Variants in SCN8A observed in about 807,000 individuals in gnomAD.
SCN8A encodes sodium channel protein type 8 subunit alpha.
SCN8A carries 30 observed loss-of-function variants against 184.1 expected under a neutral mutation model. That is an observed-to-expected ratio of 0.16 (90% confidence interval 0.12 to 0.22). SCN8A has a LOEUF of 0.22. Ranked by LOEUF, SCN8A falls within the 10% of genes least tolerant of loss-of-function variation. The probability of loss-of-function intolerance (pLI) is 1.00; values close to 1 mark genes in which losing one functional copy is unlikely to be tolerated. For missense variants in SCN8A, 1,057 were observed against 2,498.9 expected, an observed-to-expected ratio of 0.42 and a Z score of 12.30; for synonymous variants, 852 against 907.0, an observed-to-expected ratio of 0.94 and a Z score of 1.09.
In SCN8A at chr12:51,770,644, C is replaced by G. The variant is rs1187788999; in HGVS notation, c.3606C>G (p.Thr1202=). 1 of 1,614,006 alleles carries G rather than the reference C, an allele frequency of 6.2e-7. No individual in the cohort carries two copies. The highest frequency in any genetic ancestry group is 8.5e-7 in the Non-Finnish European group (1 of 1,180,016). Residue 1202 remains threonine (T), a synonymous_variant, in exon 19 of 27, where the codon ACC becomes ACG. Coordinates refer to ENST00000627620, the MANE Select transcript of SCN8A (RefSeq NM_001330260.2). ...FLIVEHNWFE[T]FIIFMILLSS... is the part of the protein sequence containing the mutation. ...TCGTGGAGCACAACTGGTTTGAGAC[C>G]TTCATCATCTTCATGATTCTGCTGA...
intron 11 of SCN8A, among the ~76,000 whole-genome samples, chr12:51,714,914 A>G (rs4762004): frequency 0.76 from 115,448 of 152,158 alleles, 46,158 homozygotes; most frequent in East Asian, 0.9. Flanking sequence ...GTTGACAGGA[A>G]GATTTTGAAA....
intron 11 of SCN8A, among the ~76,000 whole-genome samples, chr12:51,718,946 C>T (rs1942008070): frequency 2.0e-5 from 3 of 151,664 alleles, no homozygotes; most frequent in Admixed American, 6.6e-5. Context: ...GTTTTCAGTT[C>T]TTTGCTTTCA....
At chr12:51,671,598 A>G (rs1475332486) in intron 2 of SCN8A, among the ~76,000 whole-genome samples, 2 of 152,232 alleles carry the variant, frequency 1.3e-5, no homozygotes, top group Non-Finnish European at 2.9e-5. Context: ...GGCCATTTAA[A>G]TGTTAAAGAA....
At chr12:51,785,812 G>A (rs1938068995) in intron 21 of SCN8A, among the ~76,000 whole-genome samples, 1 of 152,134 alleles carries the variant, frequency 6.6e-6, no homozygotes, top group Non-Finnish European at 1.5e-5. Flanking sequence ...GATGAGTGGA[G>A]TCAAGCCCTG....
chr12:51,805,222 AGT>A (rs1372725189), intron 26 of SCN8A, among the ~76,000 whole-genome samples: 2 of 152,176 alleles, frequency 1.3e-5, no homozygotes, highest in Admixed American at 1.3e-4. Flanking sequence ...ATGAGGGATC[AGT>A]CTCACAATTG....
chr12:51,615,165 A>G (rs1021878780), intron 1 of SCN8A, among the ~76,000 whole-genome samples: 1 of 151,118 alleles, frequency 6.6e-6, no homozygotes, highest in Admixed American at 6.6e-5. Context: ...TTTTCATTAT[A>G]TAGTTATTTT....
intron 1 of SCN8A, among the ~76,000 whole-genome samples, chr12:51,634,807 C>T (rs2138621253): frequency 6.6e-6 from 1 of 151,906 alleles, no homozygotes; most frequent in Non-Finnish European, 1.5e-5. Context: ...TGCCACCACA[C>T]CCGGCTAATT....
chr12:51,603,145 T>G (rs1372459264), intron 1 of SCN8A, among the ~76,000 whole-genome samples: 7 of 152,102 alleles, frequency 4.6e-5, no homozygotes, highest in African/African-American at 1.7e-4. Flanking sequence ...TACCCCAAAA[T>G]ACTCCCTCCT....
chr12:51,773,699 A>G (rs1417737010), intron 19 of SCN8A, among the ~76,000 whole-genome samples: 1 of 152,258 alleles, frequency 6.6e-6, no homozygotes, highest in Non-Finnish European at 1.5e-5. Flanking sequence ...AAACCCATAC[A>G]CAGATGTTCA....
intron 1 of SCN8A, among the ~76,000 whole-genome samples, chr12:51,625,003 A>G (rs531370830): frequency 5.5e-4 from 84 of 152,154 alleles, no homozygotes; most frequent in African/African-American, 2.0e-3. Context: ...CACAGTCTAC[A>G]TCCTATCCTG....
intron 14 of SCN8A, among the ~76,000 whole-genome samples, chr12:51,752,108 A>G (rs575641539): frequency 6.6e-6 from 1 of 152,198 alleles, no homozygotes; most frequent in East Asian, 1.9e-4. Context: ...TCCCCCTCCA[A>G]TCCAACTTCT....
intron 12 of SCN8A, among the ~76,000 whole-genome samples, chr12:51,729,383 T>C (rs1942205850): frequency 6.6e-6 from 1 of 152,222 alleles, no homozygotes; most frequent in Non-Finnish European, 1.5e-5. Context: ...CGTATCACTA[T>C]AGATAGATTT....
chr12:51,662,163 G>A lies in SCN8A; in HGVS notation c.-54-601G>A, dbSNP rs1421254640. On this transcript the variant is annotated intron_variant, in intron 1 of 26. Transcript: ENST00000627620. The stretch of plus-strand genomic sequence containing the variant: ...TTGATGGTTGAAGAAGATACTTTTG[G>A]ACTTTTATGCTGGATGGATTTTACA... Among the ~76,000 whole-genome samples the A allele has an allele frequency of 2.0e-5, 3 of 152,200 alleles. No individual in the cohort carries two copies. The South Asian group carries it at 6.2e-4, about 31-fold the overall frequency.
chr12:51,594,053 G>A (rs949470714), intron 1 of SCN8A, among the ~76,000 whole-genome samples: 2 of 152,072 alleles, frequency 1.3e-5, no homozygotes, highest in African/African-American at 4.8e-5. Flanking sequence ...ACACAGCAGA[G>A]GTCAGTATTA....
intron 2 of SCN8A, among the ~76,000 whole-genome samples, chr12:51,667,045 T>G (rs928252505): frequency 6.6e-6 from 1 of 152,224 alleles, no homozygotes; most frequent in African/African-American, 2.4e-5. Context: ...TTCAGCTGTT[T>G]GCTACAAATA....
chr12:51,636,055 C>T (rs931838916), intron 1 of SCN8A, among the ~76,000 whole-genome samples: 16 of 152,144 alleles, frequency 1.1e-4, no homozygotes, highest in Non-Finnish European at 2.1e-4. Context: ...AGTGCAATGG[C>T]GCCATCTGGG....
At chr12:51,635,322 C>T (rs916270026) in intron 1 of SCN8A, among the ~76,000 whole-genome samples, 3 of 152,176 alleles carry the variant, frequency 2.0e-5, no homozygotes, top group African/African-American at 7.2e-5. Flanking sequence ...GCTGTTGTGT[C>T]ACTGTATTGT....
Position 51,769,238 on chromosome 12 carries a change from T to G in SCN8A, c.3275T>G (p.Leu1092Trp), listed in dbSNP as rs1199484967. Residue 1092 changes from leucine (L) to tryptophan (W), a missense_variant, in exon 17 of 27, where the codon TTG becomes TGG. Leu to Trp is a moderately conservative substitution (Grantham distance 61). Transcript: ENST00000627620. Reference protein sequence around the residue: ...DHMSFINNPNLTVRVPIAVGE... With the variant: ...DHMSFINNPNWTVRVPIAVGE... ...ATGTCCTTCATCAACAACCCCAACT[T>G]GACTGTACGGGTACCCATTGCTGTG... 1 of 1,613,922 alleles carries G rather than the reference T, an allele frequency of 6.2e-7. No homozygotes were observed. The highest frequency in any genetic ancestry group is 1.1e-5 in the South Asian group (1 of 91,074).
In SCN8A at chr12:51,693,032, T is replaced by A. The variant is rs1941537133; in HGVS notation, c.706+3936T>A. On this transcript the variant is annotated intron_variant, in intron 6 of 26. Coordinates refer to ENST00000627620, the MANE Select transcript of SCN8A (RefSeq NM_001330260.2). ...TCTTGGCAATTTTATTTCTCAGCTT[T>A]CATTTCTGTTACTTTCACTCCTAAC... Among the ~76,000 whole-genome samples the A allele has an allele frequency of 3.3e-5, 5 of 152,364 alleles. 1 individual carries two copies. The South Asian group carries it at 1.0e-3, about 32-fold the overall frequency.
Sources: gnomAD v4.1 joint callset for allele counts (sites outside exome capture counted in the v4.1 genomes callset) on GRCh38, gnomAD v4.1.1 for gene constraint, MANE v1.5 for transcripts, NCBI Gene and HGNC (gene_info 2026-07-23, HGNC 2026-07-21) for gene names.